Variants in SORCS2 observed in about 807,000 individuals in gnomAD.
SORCS2 encodes VPS10 domain-containing receptor SorCS2.
In SORCS2, 100 loss-of-function variants were observed where a neutral mutation model predicts 141.6. The ratio of observed to expected loss-of-function variants is 0.71; its 90% CI spans 0.60 to 0.83. SORCS2 has a LOEUF of 0.83. SORCS2 is among the 40% of genes least tolerant of loss of function. The pLI is 0.00. For missense variants in SORCS2, 1,646 were observed against 1,560.2 expected, an observed-to-expected ratio of 1.05 and a Z score of -0.93; for synonymous variants, 789 against 676.9, an observed-to-expected ratio of 1.17 and a Z score of -2.57.
At chr4:7,403,961 G>GTGTGTATATATATATATATA (rs1260939310) in intron 2 of SORCS2, among the ~76,000 whole-genome samples, 4 of 29,902 alleles carry the variant, frequency 1.3e-4, no homozygotes, top group Non-Finnish European at 2.3e-4. Flanking sequence ...CTCCATGTGT[G>GTGTGTATATATATATATATA]TATATATATA....
intron 3 of SORCS2, among the ~76,000 whole-genome samples, chr4:7,593,294 C>T (rs1304823635): frequency 1.3e-5 from 2 of 152,198 alleles, no homozygotes; most frequent in African/African-American, 2.4e-5. Context: ...TAGCTAAGAT[C>T]AGCCTAGAAT....
chr4:7,719,527 T>G (rs1025198134), intron 18 of SORCS2, among the ~76,000 whole-genome samples: 2 of 152,144 alleles, frequency 1.3e-5, no homozygotes, highest in African/African-American at 4.8e-5. Context: ...CTGGGGCCCC[T>G]AGACCTGAGC....
At chr4:7,490,427 C>A (rs543732252) in intron 2 of SORCS2, among the ~76,000 whole-genome samples, 1 of 152,094 alleles carries the variant, frequency 6.6e-6, no homozygotes, top group Non-Finnish European at 1.5e-5. Flanking sequence ...CGGAGCTCAA[C>A]CATAAGAAAG....
intron 3 of SORCS2, among the ~76,000 whole-genome samples, chr4:7,599,701 G>C (rs541991988): frequency 6.6e-6 from 1 of 152,294 alleles, no homozygotes; most frequent in East Asian, 1.9e-4. Context: ...CTGGAATACA[G>C]CATGGATGAC....
rs954590859 is a variant in SORCS2, at chr4:7,664,619, C to G, written c.1071+148C>G. 6 of 629,574 alleles carry G rather than the reference C, an allele frequency of 9.5e-6. No homozygotes were observed. The highest frequency in any genetic ancestry group is 1.9e-5 in the African/African-American group (1 of 53,918). The allele number at this position is 629,574 out of a possible 1,614,324, so 39.0% of individuals were successfully genotyped here. On this transcript the variant is annotated intron_variant, in intron 7 of 26. Coordinates refer to ENST00000507866, the MANE Select transcript of SORCS2 (RefSeq NM_020777.3). This position sits in a 1 kb window ranked among gnomAD's most constrained non-coding sequence, Gnocchi z 4.7. ...TACTTCGCAGGTCACGGTTTCTGAC[C>G]GTGGCTGTGGCTGCAGCCATCCACA... is the stretch of plus-strand genomic sequence containing the variant.
At chr4:7,462,501 C>T (rs961750312) in intron 2 of SORCS2, among the ~76,000 whole-genome samples, 14 of 152,076 alleles carry the variant, frequency 9.2e-5, no homozygotes, top group Non-Finnish European at 2.1e-4. Flanking sequence ...CAGGCAGTGC[C>T]CTCAGTGTAC....
intron 2 of SORCS2, among the ~76,000 whole-genome samples, chr4:7,454,387 G>T (rs544100185): frequency 3.0e-5 from 4 of 134,838 alleles, no homozygotes; most frequent in South Asian, 2.7e-4. Context: ...GGGGTCAGGT[G>T]CTGTGTGTTG....
Position 7,664,373 on chromosome 4 carries a change from G to T in SORCS2, c.973G>T (p.Ala325Ser), listed in dbSNP as rs369435318. The T allele has an allele frequency of 3.7e-6, 6 of 1,613,574 alleles. No individual in the cohort carries two copies. The highest frequency in any genetic ancestry group is 1.3e-5 in the African/African-American group (1 of 74,858). Residue 325 changes from alanine (A) to serine (S), a missense_variant, in exon 7 of 27, where the codon GCA becomes TCA. Ala to Ser is a moderately conservative substitution (Grantham distance 99, BLOSUM62 1). Coordinates refer to ENST00000507866, the MANE Select transcript of SORCS2 (RefSeq NM_020777.3). The surrounding 1 kb of genome is among the most constrained non-coding windows in gnomAD (Gnocchi z 4.7). ...LGGDFRYVTC[A>S]IHNCSEKMLT... ...TGTAGATTTTCGGTACGTCACCTGC[G>T]CAATCCACAATTGCTCCGAGAAGAT...
intron 2 of SORCS2, among the ~76,000 whole-genome samples, chr4:7,417,459 AG>A (rs907539256): frequency 3.9e-5 from 6 of 152,304 alleles, no homozygotes; most frequent in African/African-American, 1.4e-4. Flanking sequence ...TGGGGGTAGA[AG>A]CTAGTGTTTG....
intron 1 of SORCS2, among the ~76,000 whole-genome samples, chr4:7,351,339 G>A (rs565839731): frequency 1.3e-5 from 2 of 152,322 alleles, no homozygotes; most frequent in South Asian, 4.1e-4. Flanking sequence ...CCCTGCCACA[G>A]CCTTTCTCCC....
At chr4:7,647,661 G>A (rs1336150967) in intron 4 of SORCS2, among the ~76,000 whole-genome samples, 2 of 152,206 alleles carry the variant, frequency 1.3e-5, no homozygotes, top group Non-Finnish European at 2.9e-5. Flanking sequence ...GGCTGTGTGA[G>A]GAAGATCCAG....
intron 1 of SORCS2, among the ~76,000 whole-genome samples, chr4:7,284,231 A>G (rs532726152): frequency 2.0e-5 from 3 of 152,214 alleles, no homozygotes; most frequent in Non-Finnish European, 2.9e-5. Flanking sequence ...AGGATGTACA[A>G]TTTCCCCATC....
intron 3 of SORCS2, among the ~76,000 whole-genome samples, chr4:7,587,238 G>A (rs1716596070): frequency 6.6e-6 from 1 of 152,016 alleles, no homozygotes; most frequent in Non-Finnish European, 1.5e-5. Context: ...AGAGTTGAGG[G>A]GTTTTAGGTA....
At chr4:7,478,849 C>A (rs1730457907) in intron 2 of SORCS2, among the ~76,000 whole-genome samples, 1 of 152,214 alleles carries the variant, frequency 6.6e-6, no homozygotes, top group African/African-American at 2.4e-5. Context: ...CAGCTGGGCA[C>A]CGAGGCCTGG....
intron 1 of SORCS2, among the ~76,000 whole-genome samples, chr4:7,268,839 G>C (rs149313379): frequency 6.6e-6 from 1 of 152,354 alleles, no homozygotes; most frequent in East Asian, 1.9e-4. Context: ...GGGCCTGGAG[G>C]GGACCTCAGC....
chr4:7,202,203 G>A (rs12643827), intron 1 of SORCS2, among the ~76,000 whole-genome samples: 2 of 152,170 alleles, frequency 1.3e-5, no homozygotes, highest in East Asian at 1.9e-4. Context: ...TATGCAGCCC[G>A]CTGAGGGCAA....
At chr4:7,340,722 C>T (rs1427770466) in intron 1 of SORCS2, among the ~76,000 whole-genome samples, 2 of 152,190 alleles carry the variant, frequency 1.3e-5, no homozygotes, top group Non-Finnish European at 2.9e-5. Flanking sequence ...AAGGCAAGAC[C>T]GAGGAAAAGA....
At chr4:7,339,478 A>G (rs10001538) in intron 1 of SORCS2, among the ~76,000 whole-genome samples, 2 of 152,046 alleles carry the variant, frequency 1.3e-5, no homozygotes, top group Non-Finnish European at 2.9e-5. Context: ...GGTGGGGGCA[A>G]CTGTCCCAGG....
At chr4:7,320,332 T>C (rs1718820396) in intron 1 of SORCS2, among the ~76,000 whole-genome samples, 1 of 152,242 alleles carries the variant, frequency 6.6e-6, no homozygotes, top group Non-Finnish European at 1.5e-5. Context: ...GGTGATTGTG[T>C]GCCTTCTACC....
Sources: allele counts gnomAD v4.1 joint callset (sites outside exome capture counted in the v4.1 genomes callset), GRCh38; gene constraint gnomAD v4.1.1; non-coding constraint Gnocchi (gnomAD v3.1); transcripts MANE v1.5; gene names NCBI Gene and HGNC (gene_info 2026-07-23, HGNC 2026-07-21).